Variants in AEBP2 observed in about 807,000 individuals in gnomAD.
AEBP2 encodes the protein zinc finger protein AEBP2.
A neutral mutation model predicts 50.8 loss-of-function variants in AEBP2; 10 were observed. The ratio of observed to expected loss-of-function variants is 0.20; its 90% CI spans 0.12 to 0.33. AEBP2 has a LOEUF of 0.33. AEBP2 is among the 10% of genes least tolerant of loss of function. AEBP2 has a pLI of 1.00. For synonymous variants in AEBP2, 296 were observed against 261.3 expected, an observed-to-expected ratio of 1.13 and a Z score of -1.28; for missense variants, 570 against 688.0, an observed-to-expected ratio of 0.83 and a Z score of 1.92.
chr12:19,477,268 C>T (rs1948662518), intron 3 of AEBP2, among the ~76,000 whole-genome samples: 1 of 152,124 alleles, frequency 6.6e-6, no homozygotes, highest in Non-Finnish European at 1.5e-5. Flanking sequence ...AGTTTTATTT[C>T]CTCTTACCTA....
chr12:19,510,448 G>A (rs929588039), intron 5 of AEBP2, among the ~76,000 whole-genome samples: 36 of 152,334 alleles, frequency 2.4e-4, no homozygotes, highest in African/African-American at 8.7e-4. Context: ...TGCCAGGCAG[G>A]AAAGTGTTGG....
At chr12:19,486,909 C>T (rs10770492) in intron 3 of AEBP2, among the ~76,000 whole-genome samples, 25,132 of 151,952 alleles carry the variant, frequency 0.17, 3,672 homozygotes, top group African/African-American at 0.39. Context: ...CTACCCGCCT[C>T]GGCCTTCCAA....
intron 5 of AEBP2, among the ~76,000 whole-genome samples, chr12:19,505,240 T>A (rs1470164346): frequency 6.6e-6 from 1 of 152,168 alleles, no homozygotes; most frequent in East Asian, 1.9e-4. Flanking sequence ...TAATACAGAT[T>A]TTTTTTGTTT....
rs1440237080 is a variant in AEBP2, at chr12:19,459,893, A to G, written c.672-2617A>G. ...TTTTAAAAATGGATACGTTTCTAGC[A>G]TGGGCAGCAAAACAAGACTCTGCCG... On this transcript the variant is annotated intron_variant, in intron 1 of 7. Coordinates refer to ENST00000266508, the MANE Select transcript of AEBP2 (RefSeq NM_153207.5). Among the ~76,000 whole-genome samples, 6 of 152,326 alleles carry G rather than the reference A, an allele frequency of 3.9e-5. No individual in the cohort carries two copies. The South Asian group carries it at 6.2e-4, about 16-fold the overall frequency.
intron 1 of AEBP2, chr12:19,440,796 C>T: frequency 3.9e-6 from 6 of 1,521,044 alleles, no homozygotes; most frequent in Non-Finnish European, 5.3e-6. Context: ...TCCAATATGG[C>T]TGGTCTCGCC....
intron 2 of AEBP2, among the ~76,000 whole-genome samples, chr12:19,464,395 G>A (rs909790441): frequency 1.3e-5 from 2 of 152,150 alleles, no homozygotes; most frequent in Admixed American, 6.5e-5. Flanking sequence ...ATAGAATCAT[G>A]AGCTATTTGG....
At chr12:19,485,227 C>G (rs532395452) in intron 3 of AEBP2, among the ~76,000 whole-genome samples, 47 of 152,090 alleles carry the variant, frequency 3.1e-4, no homozygotes, top group African/African-American at 1.1e-3. Context: ...AAATCCTCTT[C>G]TAGAAACTGT....
chr12:19,451,033 A>G (rs1163204638), intron 1 of AEBP2, among the ~76,000 whole-genome samples: 1 of 152,130 alleles, frequency 6.6e-6, no homozygotes, highest in African/African-American at 2.4e-5. Context: ...ACTATGGGCA[A>G]ATCTTAATTT....
intron 1 of AEBP2, among the ~76,000 whole-genome samples, chr12:19,417,608 A>ATG (rs2153364057): frequency 6.6e-6 from 1 of 151,070 alleles, no homozygotes; most frequent in African/African-American, 2.4e-5. Flanking sequence ...GGGTTTCTCC[A>ATG]TGTTGGCCAG....
intron 1 of AEBP2, among the ~76,000 whole-genome samples, chr12:19,460,962 C>T (rs1948364416): frequency 1.3e-5 from 2 of 151,208 alleles, no homozygotes; most frequent in African/African-American, 4.9e-5. Context: ...CCTGAATGTT[C>T]TTTTTTTTTA....
chr12:19,456,583 C>T, intron 1 of AEBP2: 1 of 1,540,980 alleles, frequency 6.5e-7, no homozygotes, highest in South Asian at 1.1e-5. Flanking sequence ...CTTATTTGGC[C>T]TGGAAGGTTC....
chr12:19,500,370 T>G lies in AEBP2; in HGVS notation c.1299+149T>G, dbSNP rs1949050197. 3.7e-6 allele frequency: 3 copies of G among 819,682 alleles called. No homozygotes were observed. In the East Asian group the frequency reaches 9.1e-5, roughly 25 times the overall value. The allele number at this position is 819,682 out of a possible 1,614,324, so 50.8% of individuals were successfully genotyped here. On this transcript the variant is annotated intron_variant, in intron 5 of 7. Transcript: ENST00000266508. ...TTTTATCAGTATTTAAAACATTGTA[T>G]TATTGGTTATAAAGCACACATTTCT...
intron 3 of AEBP2, among the ~76,000 whole-genome samples, chr12:19,482,889 C>T (rs925903935): frequency 2.0e-5 from 3 of 152,016 alleles, no homozygotes; most frequent in African/African-American, 4.8e-5. Context: ...GTCCTGGTTG[C>T]GAGAGACCTC....
At chr12:19,433,002 A>T (rs953865984) in intron 1 of AEBP2, among the ~76,000 whole-genome samples, 1 of 152,156 alleles carries the variant, frequency 6.6e-6, no homozygotes, top group Non-Finnish European at 1.5e-5. Flanking sequence ...GGCAACTTAC[A>T]ATTACCTATA....
intron 2 of AEBP2, among the ~76,000 whole-genome samples, chr12:19,469,409 T>TA (rs938658052): frequency 2.6e-5 from 4 of 152,216 alleles, no homozygotes; most frequent in African/African-American, 4.8e-5. Flanking sequence ...GTTTTGGACT[T>TA]ACCACGTGTG....
In AEBP2 at chr12:19,462,595, ACTT is replaced by A. The variant is rs1182948043; in HGVS notation, c.762_764del (p.Ser256del). 1.9e-6 allele frequency: 3 copies of A among 1,613,816 alleles called. No homozygotes were observed. The highest frequency in any genetic ancestry group is 1.7e-5 in the Admixed American group (1 of 59,986). On this transcript the variant is annotated inframe_deletion, in exon 2 of 8. Transcript: ENST00000266508. ...AATGATGAATGGACAAGGAAGCACT[ACTT>A]CTTCAAGCAAAAATATTGCCTATAA... is the stretch of plus-strand genomic sequence containing the variant.
intron 3 of AEBP2, among the ~76,000 whole-genome samples, chr12:19,476,789 AT>A (rs1948654570): frequency 6.6e-6 from 1 of 152,184 alleles, no homozygotes; most frequent in African/African-American, 2.4e-5. Flanking sequence ...TGCTTTGGCT[AT>A]CTGGGCTCTC....
intron 1 of AEBP2, among the ~76,000 whole-genome samples, chr12:19,445,221 T>C (rs1324142137): frequency 1.4e-5 from 2 of 144,498 alleles, no homozygotes; most frequent in South Asian, 2.2e-4. Context: ...TTTTTTGATA[T>C]AGGGTCTCAC....
rs181125460 is a variant in AEBP2 at position 19,429,959 on chromosome 12, C to G, written c.-17+25743C>G. Among the ~76,000 whole-genome samples, 352 of 152,162 alleles carry G rather than the reference C, an allele frequency of 2.3e-3. 1 individual carries two copies. In the Middle Eastern group the frequency reaches 0.024, roughly 10 times the overall value. ...CACTCTGATGGTAGTTTCTTTTGCT[C>G]TGCAGAAGCTATTTAGTTGAATTAG... On this transcript the variant is annotated intron_variant, in intron 1 of 3. Coordinates refer to the AEBP2 transcript ENST00000538425.
Sources: gnomAD v4.1 joint callset for allele counts (sites outside exome capture counted in the v4.1 genomes callset) on GRCh38, gnomAD v4.1.1 for gene constraint, MANE v1.5 for transcripts, NCBI Gene and HGNC (gene_info 2026-07-23, HGNC 2026-07-21) for gene names.